Variants in RILPL2 observed in about 807,000 individuals in gnomAD.
RILPL2 encodes RILP-like protein 2.
A neutral mutation model predicts 22.2 loss-of-function variants in RILPL2; 19 were observed. The observed-to-expected ratio is 0.86, with a 90% CI of 0.60 to 1.25. RILPL2 has a LOEUF of 1.25. RILPL2 is among the 50% of genes most tolerant of loss of function. RILPL2 has a pLI of 0.00. For synonymous variants in RILPL2, 123 were observed against 111.6 expected (o/e 1.10, Z -0.64); for missense variants, 243 against 263.6 (o/e 0.92, Z 0.54).
At position 123,436,582 on chromosome 12, in the gene RILPL2, C is replaced by T. The variant is rs1260778861; in HGVS notation, c.-162G>A. 1.1e-5 allele frequency: 13 copies of T among 1,189,078 alleles called. No individual in the cohort carries two copies. Among genetic ancestry groups the T allele is most frequent in the Non-Finnish European group, 1.5e-5 (13 of 876,352 alleles). 73.7% of individuals were successfully genotyped at this position (1,189,078 alleles called of 1,614,324 possible). A position where few individuals can be genotyped will look rare whatever the true frequency, so the allele number is the denominator to read the frequency against. On this transcript the variant is annotated 5_prime_UTR_variant, in exon 1 of 4. The change creates a new upstream start codon in the 5' untranslated region. Coordinates refer to ENST00000280571, the MANE Select transcript of RILPL2 (RefSeq NM_145058.3). The surrounding 1 kb of genome is among the most constrained non-coding windows in gnomAD (Gnocchi z 6.7). ...GGGGGATGGTGCAAGGGGCCGCGCA[C>T]GCGACTCTTGGGCCTGCGCCCCGGC...
chr12:123,424,890 T>G (rs1402379479), intron 2 of RILPL2, among the ~76,000 whole-genome samples: 3 of 151,674 alleles, frequency 2.0e-5, no homozygotes. Flanking sequence ...TTTCATTTAT[T>G]TATTTTTTTG....
At chr12:123,430,279 G>A (rs1422272535) in intron 2 of RILPL2, among the ~76,000 whole-genome samples, 1 of 151,230 alleles carries the variant, frequency 6.6e-6, no homozygotes, top group African/African-American at 2.4e-5. Context: ...CACGGTGGCG[G>A]GCGCCTGTAG....
intron 3 of RILPL2, among the ~76,000 whole-genome samples, chr12:123,422,677 T>G (rs1322218621): frequency 2.0e-5 from 3 of 152,104 alleles, no homozygotes; most frequent in Non-Finnish European, 4.4e-5. Context: ...TGGTCAAACA[T>G]CACAGGGAGG....
At chr12:123,419,312 T>C (rs534896266) in intron 3 of RILPL2, among the ~76,000 whole-genome samples, 57 of 152,258 alleles carry the variant, frequency 3.7e-4, no homozygotes, top group African/African-American at 1.3e-3. Flanking sequence ...TGTGAGCTAC[T>C]GCGCCCGGCC....
At chr12:123,423,178 T>A (rs1305305232) in intron 2 of RILPL2, 21 bp from the exon 3 acceptor site, 3 of 1,326,280 alleles carry the variant, frequency 2.3e-6, no homozygotes, top group Non-Finnish European at 2.1e-6. Context: ...GGACAAAAAA[T>A]AAATGGATTA....
At chr12:123,426,793 G>A (rs1391487527) in intron 2 of RILPL2, among the ~76,000 whole-genome samples, 2 of 151,688 alleles carry the variant, frequency 1.3e-5, no homozygotes, top group Non-Finnish European at 2.9e-5. Flanking sequence ...TAGTAGAGAC[G>A]GGGTTTCACT....
In RILPL2 at chr12:123,430,412, AAAAC is replaced by A. The variant is rs1244505772; in HGVS notation, c.491+92_491+95del. The A allele has an allele frequency of 7.5e-6, 10 of 1,333,930 alleles. No individual in the cohort carries two copies. In the East Asian group the frequency reaches 2.6e-4, roughly 35 times the overall value. 82.6% of individuals were successfully genotyped at this position (1,333,930 alleles called of 1,614,324 possible). On this transcript the variant is annotated intron_variant, in intron 2 of 3. Transcript: ENST00000280571. ...CGACAGAGCGAGACTCTGTCTCAAA[AAAAC>A]AAAAACAAAACAAAACAAAAACAAA...
At chr12:123,410,727 AC>A (rs1480076932), downstream of RILPL2, 46 of 151,796 alleles carry the variant, frequency 3.0e-4, no homozygotes, top group African/African-American at 8.7e-4. Flanking sequence ...AAAAAAAAAA[AC>A]AACACTTGGA....
At chr12:123,427,420 G>C (rs1310970503) in intron 2 of RILPL2, among the ~76,000 whole-genome samples, 1 of 152,154 alleles carries the variant, frequency 6.6e-6, no homozygotes. Flanking sequence ...TACATGCAAA[G>C]AGAGGGAAAA....
intron 2 of RILPL2, among the ~76,000 whole-genome samples, chr12:123,428,655 G>A (rs118117755): frequency 1.6e-4 from 25 of 152,186 alleles, no homozygotes; most frequent in East Asian, 1.4e-3. Context: ...ATCTAAATGC[G>A]GCGTGCTAAT....
At chr12:123,431,468 G>A (rs1030154695) in intron 1 of RILPL2, among the ~76,000 whole-genome samples, 12 of 152,216 alleles carry the variant, frequency 7.9e-5, no homozygotes, top group East Asian at 1.9e-4. Flanking sequence ...TTCTGGAGAC[G>A]GATGGTGGTG....
Position 123,415,934 on chromosome 12 carries a change from G to C in RILPL2, c.606-13C>G, listed in dbSNP as rs543911444. On this transcript the variant is annotated splice_polypyrimidine_tract_variant and intron_variant, in intron 3 of 3. Transcript: ENST00000280571. ...TCGAAAAAAGAACCTGGTGTGGAGA[G>C]AGAGAGGGTTCAGGGTAAGCAGAAG... 3 of 1,614,128 alleles carry C rather than the reference G, an allele frequency of 1.9e-6. No homozygotes were observed. Among genetic ancestry groups the C allele is most frequent in the Non-Finnish European group, 2.5e-6 (3 of 1,179,976 alleles).
At chr12:123,410,242 AGACTT>A (rs551612183), downstream of RILPL2, among the ~76,000 whole-genome samples, 81 of 152,340 alleles carry the variant, frequency 5.3e-4, no homozygotes, top group African/African-American at 1.9e-3. Context: ...ATAATTTACT[AGACTT>A]GATGATTCTC....
intron 2 of RILPL2, among the ~76,000 whole-genome samples, chr12:123,428,831 C>T (rs1347548062): frequency 1.3e-5 from 2 of 152,156 alleles, no homozygotes; most frequent in African/African-American, 4.8e-5. Flanking sequence ...GCTTGGGATA[C>T]ATTTAGCAGA....
Position 123,415,836 on chromosome 12 carries a change from T to A in RILPL2, c.*55A>T. 1 of 1,584,560 alleles carries A rather than the reference T, an allele frequency of 6.3e-7. No individual in the cohort carries two copies. Among genetic ancestry groups the A allele is most frequent in the Non-Finnish European group, 8.7e-7 (1 of 1,153,062 alleles). Reference sequence around the variant, plus strand: ...CACAGGGAGGTGGTTTTGCCAGGCATCTTGGAAGGTTGTCTTCTAGAATCA... The same window carrying A: ...CACAGGGAGGTGGTTTTGCCAGGCAACTTGGAAGGTTGTCTTCTAGAATCA... On this transcript the variant is annotated 3_prime_UTR_variant, in exon 4 of 4. Transcript: ENST00000280571.
downstream of RILPL2, chr12:123,413,603 T>G: frequency 6.6e-6 from 1 of 152,170 alleles, no homozygotes; most frequent in Non-Finnish European, 1.5e-5. Flanking sequence ...GTAGTAAGAT[T>G]TATTGCAAAG....
intron 1 of RILPL2, among the ~76,000 whole-genome samples, chr12:123,430,866 T>C (rs1026590643): frequency 6.6e-6 from 1 of 152,054 alleles, no homozygotes; most frequent in Non-Finnish European, 1.5e-5. Context: ...GCCCGGCTAA[T>C]TTTTGTATTT....
At position 123,423,203 on chromosome 12, in the gene RILPL2, G is replaced by T. The variant is rs201008063; in HGVS notation, c.492-46C>A. 1,945 of 826,310 alleles carry T rather than the reference G, an allele frequency of 2.4e-3. 25 individuals carry two copies. The East Asian group carries it at 0.042, about 18-fold the overall frequency. 51.2% of individuals were successfully genotyped at this position (826,310 alleles called of 1,614,324 possible). ...TAAATGGATTATTTTATTACAGATCGTTTTTTTTTTTTTTTTGAGTTGGAG... is the reference window on the plus strand; with the variant it reads ...TAAATGGATTATTTTATTACAGATCTTTTTTTTTTTTTTTTTGAGTTGGAG... On this transcript the variant is annotated intron_variant, in intron 2 of 3. Transcript: ENST00000280571.
At position 123,431,768 on chromosome 12, in the gene RILPL2, G is replaced by A. The variant is rs151168707; in HGVS notation, c.340-1109C>T. Among the ~76,000 whole-genome samples the A allele has an allele frequency of 6.6e-3, 984 of 149,606 alleles. 13 individuals are homozygous for A. Among genetic ancestry groups the A allele is most frequent in the African/African-American group, 0.023 (937 of 40,654 alleles). ...GTGAACCTGGGAGACGGAGCTTGCA[G>A]TGAGCTGAGGTCCCACCACTGCACT... On this transcript the variant is annotated intron_variant, in intron 1 of 3. Transcript: ENST00000280571.
Sources: gnomAD v4.1 joint callset for allele counts (sites outside exome capture counted in the v4.1 genomes callset) on GRCh38, gnomAD v4.1.1 for gene constraint, Gnocchi (gnomAD v3.1) non-coding constraint, MANE v1.5 for transcripts, NCBI Gene and HGNC (gene_info 2026-07-23, HGNC 2026-07-21) for gene names.